The following NAALADL2 variants were observed in gnomAD, a reference collection of about 807,000 sequenced individuals.
The protein encoded by NAALADL2 is N-acetylated alpha-linked acidic dipeptidase like 2.
Under a neutral mutation model 87.2 loss-of-function variants are expected in NAALADL2, and 76 were observed. The observed-to-expected ratio is 0.87, with a 90% CI of 0.72 to 1.05. The LOEUF is 1.05. NAALADL2 is among the 50% of genes least tolerant of loss of function. The probability of loss-of-function intolerance (pLI) is 0.00; values close to 1 mark genes in which losing one functional copy is unlikely to be tolerated. For synonymous variants in NAALADL2, 354 were observed against 331.0 expected (o/e 1.07, Z -0.75); for missense variants, 1,089 against 945.8 (o/e 1.15, Z -1.99).
intron 3 of NAALADL2, among the ~76,000 whole-genome samples, chr3:174,740,819 C>T (rs1056462984): frequency 6.6e-6 from 1 of 151,694 alleles, no homozygotes; most frequent in Non-Finnish European, 1.5e-5. Context: ...CTAGTTAGAG[C>T]CATTTTTATG....
chr3:175,375,112 G>T (rs911745469), intron 5 of NAALADL2, among the ~76,000 whole-genome samples: 1 of 151,982 alleles, frequency 6.6e-6, no homozygotes, highest in Non-Finnish European at 1.5e-5. Flanking sequence ...TCTACTACTG[G>T]ACTCTCTATT....
intron 1 of NAALADL2, among the ~76,000 whole-genome samples, chr3:174,861,602 A>G (rs1726513150): frequency 6.6e-6 from 1 of 152,100 alleles, no homozygotes; most frequent in Non-Finnish European, 1.5e-5. Flanking sequence ...CATGTGGATG[A>G]CTTACGTGTT....
chr3:175,064,023 A>C (rs2109098298), intron 1 of NAALADL2, among the ~76,000 whole-genome samples: 1 of 152,218 alleles, frequency 6.6e-6, no homozygotes, highest in Admixed American at 6.5e-5. Flanking sequence ...TGGGTAAAAC[A>C]ATGTGAAGTT....
At chr3:175,756,460 G>A (rs867389187) in intron 13 of NAALADL2, among the ~76,000 whole-genome samples, 5 of 152,046 alleles carry the variant, frequency 3.3e-5, no homozygotes, top group Admixed American at 6.6e-5. Flanking sequence ...TAAAAAATGT[G>A]GTATATGTAC....
At chr3:175,616,782 G>A (rs1725407852) in intron 10 of NAALADL2, among the ~76,000 whole-genome samples, 1 of 152,148 alleles carries the variant, frequency 6.6e-6, no homozygotes, top group Admixed American at 6.5e-5. Flanking sequence ...TACAAGGGCT[G>A]TTGCAGGGTT....
intron 2 of NAALADL2, among the ~76,000 whole-genome samples, chr3:175,167,890 G>A (rs1734218231): frequency 6.6e-6 from 1 of 151,838 alleles, no homozygotes; most frequent in Non-Finnish European, 1.5e-5. Context: ...GTCATTACTG[G>A]AAATTAGATA....
intron 2 of NAALADL2, among the ~76,000 whole-genome samples, chr3:175,130,731 T>A (rs1316962938): frequency 1.3e-5 from 2 of 152,248 alleles, no homozygotes; most frequent in Non-Finnish European, 2.9e-5. Flanking sequence ...TGTATGTGTC[T>A]ATTTGTGGGT....
intron 2 of NAALADL2, among the ~76,000 whole-genome samples, chr3:175,130,373 C>T (rs1382721250): frequency 1.3e-5 from 2 of 151,988 alleles, no homozygotes; most frequent in African/African-American, 2.4e-5. Flanking sequence ...TTTATTTTTG[C>T]TTTTGTTGCC....
chr3:174,533,139 G>A (rs1721399617), intron 1 of NAALADL2, among the ~76,000 whole-genome samples: 1 of 104,864 alleles, frequency 9.5e-6, no homozygotes, highest in Non-Finnish European at 1.8e-5. Context: ...ACCGGGATTA[G>A]TTTAGGTTGT....
At chr3:175,062,110 A>C (rs1713626524) in intron 1 of NAALADL2, among the ~76,000 whole-genome samples, 1 of 140,224 alleles carries the variant, frequency 7.1e-6, no homozygotes, top group African/African-American at 3.0e-5. Context: ...AGATGGTGTT[A>C]ACTTTGAATG....
At chr3:175,079,583 A>C in intron 1 of NAALADL2, 1 of 152,198 alleles carries the variant, frequency 6.6e-6, no homozygotes, top group East Asian at 1.9e-4. Context: ...CAAATTACTA[A>C]CTATCTGGGT....
intron 10 of NAALADL2, among the ~76,000 whole-genome samples, chr3:175,619,365 G>T: frequency 6.6e-6 from 1 of 151,500 alleles, no homozygotes. Context: ...AGGAATTGGG[G>T]ACCTGCACTA....
At chr3:174,937,030 A>C (rs1416762614) in intron 1 of NAALADL2, among the ~76,000 whole-genome samples, 1 of 152,130 alleles carries the variant, frequency 6.6e-6, no homozygotes, top group East Asian at 1.9e-4. Flanking sequence ...AAAAAGAGCC[A>C]GAGAGATAAG....
intron 1 of NAALADL2, among the ~76,000 whole-genome samples, chr3:174,535,944 A>G (rs1255723078): frequency 6.6e-6 from 1 of 152,176 alleles, no homozygotes; most frequent in Non-Finnish European, 1.5e-5. Flanking sequence ...CGATTGAATG[A>G]AAAAATGAAT....
At chr3:175,207,838 C>T (rs546917107) in intron 2 of NAALADL2, among the ~76,000 whole-genome samples, 1 of 152,116 alleles carries the variant, frequency 6.6e-6, no homozygotes, top group East Asian at 1.9e-4. Flanking sequence ...GCAGTGATGT[C>T]TTCTCTTTCA....
intron 13 of NAALADL2, among the ~76,000 whole-genome samples, chr3:175,794,180 G>A (rs542109906): frequency 6.6e-6 from 1 of 152,260 alleles, no homozygotes; most frequent in African/African-American, 2.4e-5. Context: ...AGCCTGTAGG[G>A]TATTCAAATA....
intron 9 of NAALADL2, among the ~76,000 whole-genome samples, chr3:175,538,990 C>G (rs1042375730): frequency 3.3e-5 from 5 of 152,246 alleles, no homozygotes; most frequent in East Asian, 1.9e-4. Flanking sequence ...TAACAGTTTT[C>G]TAATTGGATT....
intron 2 of NAALADL2, among the ~76,000 whole-genome samples, chr3:174,705,401 A>T (rs1729957042): frequency 6.6e-6 from 1 of 152,332 alleles, no homozygotes; most frequent in Non-Finnish European, 1.5e-5. Flanking sequence ...TTGTCCTGTG[A>T]CATATCTCAG....
At chr3:174,749,429 T>C (rs916526140) in intron 3 of NAALADL2, among the ~76,000 whole-genome samples, 1 of 151,858 alleles carries the variant, frequency 6.6e-6, no homozygotes, top group Non-Finnish European at 1.5e-5. Context: ...ATAAATCACA[T>C]CACTCACAAT....
Sources: allele counts gnomAD v4.1 joint callset (sites outside exome capture counted in the v4.1 genomes callset), GRCh38; gene constraint gnomAD v4.1.1; transcripts MANE v1.5; gene names NCBI Gene and HGNC (gene_info 2026-07-23, HGNC 2026-07-21).